Variants in MACROD2 observed in about 807,000 individuals in gnomAD.
MACROD2 encodes the protein mono-ADP ribosylhydrolase 2.
MACROD2 carries 36 observed loss-of-function variants against 70.4 expected under a neutral mutation model. That is an observed-to-expected ratio of 0.51 (90% CI 0.39 to 0.68). The LOEUF is 0.68. Ranked by LOEUF, MACROD2 falls within the 30% of genes least tolerant of loss-of-function variation. The pLI is 0.00. For missense variants in MACROD2, 496 were observed against 538.4 expected, an observed-to-expected ratio of 0.92 and a Z score of 0.78; for synonymous variants, 172 against 178.8, an observed-to-expected ratio of 0.96 and a Z score of 0.30.
intron 8 of MACROD2, among the ~76,000 whole-genome samples, chr20:15,743,542 C>G (rs1344149462): frequency 1.3e-5 from 2 of 152,142 alleles, no homozygotes; most frequent in Admixed American, 1.3e-4. Context: ...ACCTACCATC[C>G]TAACCCATAT....
At chr20:14,589,991 C>T (rs1436726709) in intron 4 of MACROD2, among the ~76,000 whole-genome samples, 3 of 152,148 alleles carry the variant, frequency 2.0e-5, no homozygotes, top group African/African-American at 7.2e-5. Flanking sequence ...CCATGGCATA[C>T]ATTTGTATTA....
intron 2 of MACROD2, among the ~76,000 whole-genome samples, chr20:14,048,049 A>G (rs2053504118): frequency 6.6e-6 from 1 of 152,100 alleles, no homozygotes; most frequent in African/African-American, 2.4e-5. Context: ...GGAAGAGTAG[A>G]AACATTCCTA....
chr20:14,335,895 G>A (rs2082927543), intron 3 of MACROD2, among the ~76,000 whole-genome samples: 1 of 152,056 alleles, frequency 6.6e-6, no homozygotes, highest in Non-Finnish European at 1.5e-5. Context: ...TCCAAACTAA[G>A]GGGCATATCT....
intron 6 of MACROD2, among the ~76,000 whole-genome samples, chr20:15,375,991 C>T (rs2045557458): frequency 6.6e-6 from 1 of 152,162 alleles, no homozygotes; most frequent in South Asian, 2.1e-4. Context: ...AAGGCTATCT[C>T]AGTGCTCCTT....
At chr20:14,351,778 A>G (rs1310656960) in intron 3 of MACROD2, among the ~76,000 whole-genome samples, 2 of 152,152 alleles carry the variant, frequency 1.3e-5, no homozygotes, top group African/African-American at 2.4e-5. Flanking sequence ...TCTATGTTGA[A>G]TAACAGTGGT....
chr20:14,676,915 A>G (rs1400255130), intron 4 of MACROD2, among the ~76,000 whole-genome samples: 1 of 152,150 alleles, frequency 6.6e-6, no homozygotes, highest in East Asian at 1.9e-4. Flanking sequence ...AATAAAAACT[A>G]CCACAGGGCC....
chr20:14,039,062 T>C (rs2053354663), intron 2 of MACROD2, among the ~76,000 whole-genome samples: 1 of 152,206 alleles, frequency 6.6e-6, no homozygotes, highest in African/African-American at 2.4e-5. Flanking sequence ...CCAGGGTGTT[T>C]GTGAAGCTAC....
intron 5 of MACROD2, among the ~76,000 whole-genome samples, chr20:15,154,532 C>T (rs1389152871): frequency 6.6e-6 from 1 of 152,200 alleles, no homozygotes. Context: ...GACTTATAAA[C>T]AACAGGCATT....
rs1362831482 is a variant in MACROD2 at position 14,581,994 on chromosome 20, C to T, written c.301+88486C>T. Among the ~76,000 whole-genome samples the T allele has an allele frequency of 2.6e-5, 4 of 152,136 alleles. No individual in the cohort carries two copies. In the East Asian group the frequency reaches 5.8e-4, roughly 22 times the overall value. Reference sequence around the variant, plus strand: ...TGATAGCATCCCCAGTAAGATTAAACGTCAGTTGCTCACGTTAGTCACCAG... The same window carrying T: ...TGATAGCATCCCCAGTAAGATTAAATGTCAGTTGCTCACGTTAGTCACCAG... On this transcript the variant is annotated intron_variant, in intron 4 of 17. Coordinates refer to ENST00000684519, the MANE Select transcript of MACROD2 (RefSeq NM_001351661.2).
At chr20:14,316,481 A>G (rs2082612488) in intron 3 of MACROD2, among the ~76,000 whole-genome samples, 1 of 152,246 alleles carries the variant, frequency 6.6e-6, no homozygotes, top group Admixed American at 6.5e-5. Flanking sequence ...CTCATAGCCC[A>G]TGGGCCACAG....
At chr20:14,195,039 T>C (rs1042010534) in intron 3 of MACROD2, among the ~76,000 whole-genome samples, 3 of 152,122 alleles carry the variant, frequency 2.0e-5, no homozygotes, top group African/African-American at 7.2e-5. Flanking sequence ...TTTTCCTACT[T>C]TGTGGGATTG....
At chr20:14,767,679 T>C (rs1369283592) in intron 5 of MACROD2, among the ~76,000 whole-genome samples, 1 of 151,956 alleles carries the variant, frequency 6.6e-6, no homozygotes, top group Admixed American at 6.6e-5. Context: ...CTGGAGTACA[T>C]ATGCAGAACC....
At chr20:14,659,864 G>A (rs574426188) in intron 4 of MACROD2, among the ~76,000 whole-genome samples, 30 of 151,840 alleles carry the variant, frequency 2.0e-4, no homozygotes, top group Non-Finnish European at 3.4e-4. Flanking sequence ...CCTTCTAAAC[G>A]TTGTTGCTTT....
At chr20:14,837,205 A>G (rs892243964) in intron 5 of MACROD2, among the ~76,000 whole-genome samples, 1 of 152,050 alleles carries the variant, frequency 6.6e-6, no homozygotes, top group Non-Finnish European at 1.5e-5. Context: ...AAGACAAATC[A>G]ACATCTGACA....
chr20:15,976,553 C>G (rs2066309406), intron 13 of MACROD2, among the ~76,000 whole-genome samples: 1 of 152,194 alleles, frequency 6.6e-6, no homozygotes, highest in Non-Finnish European at 1.5e-5. Flanking sequence ...GGTCTGCATG[C>G]ACTGAGGAGA....
intron 6 of MACROD2, among the ~76,000 whole-genome samples, chr20:15,414,820 T>C (rs149870483): frequency 6.6e-6 from 1 of 152,338 alleles, no homozygotes; most frequent in Admixed American, 6.5e-5. Context: ...CTTCTAAATA[T>C]GTCCACAGAT....
intron 5 of MACROD2, among the ~76,000 whole-genome samples, chr20:14,931,970 C>G (rs1334587015): frequency 1.3e-5 from 2 of 148,830 alleles, no homozygotes; most frequent in Non-Finnish European, 1.5e-5. Flanking sequence ...CCACTGCACT[C>G]TAGCCTGAGC....
At chr20:16,015,381 C>T (rs1166986997) in intron 15 of MACROD2, among the ~76,000 whole-genome samples, 2 of 152,206 alleles carry the variant, frequency 1.3e-5, no homozygotes, top group African/African-American at 2.4e-5. Context: ...GAGGTCCCCA[C>T]CCAATTGTCG....
chr20:15,936,293 G>A lies in MACROD2; in HGVS notation c.839-1183G>A, dbSNP rs181472575. Among the ~76,000 whole-genome samples, 479 of 148,254 alleles carry A rather than the reference G, an allele frequency of 3.2e-3. 1 individual carries two copies. The highest frequency in any genetic ancestry group is 0.011 in the African/African-American group (452 of 40,688). On this transcript the variant is annotated intron_variant, in intron 11 of 17. Coordinates refer to ENST00000684519, the MANE Select transcript of MACROD2 (RefSeq NM_001351661.2). ...GTATATATATACACACATATGTAAT[G>A]TGTGTGTGTATATATATAGTTTTTC...
Sources: allele counts gnomAD v4.1 joint callset (sites outside exome capture counted in the v4.1 genomes callset), GRCh38; gene constraint gnomAD v4.1.1; transcripts MANE v1.5; gene names NCBI Gene and HGNC (gene_info 2026-07-23, HGNC 2026-07-21).